ATG4A: variants seen among roughly 807,000 people sequenced by gnomAD.
The protein encoded by ATG4A is autophagy related 4A cysteine peptidase.
A neutral mutation model predicts 38.4 loss-of-function variants in ATG4A; 22 were observed. The ratio of observed to expected loss-of-function variants is 0.57; its 90% CI spans 0.41 to 0.82. ATG4A has a LOEUF of 0.82. ATG4A is among the 40% of genes least tolerant of loss of function. ATG4A has a pLI of 0.00. For synonymous variants in ATG4A, 86 were observed against 100.7 expected (o/e 0.85, Z 0.88); for missense variants, 220 against 290.0 (o/e 0.76, Z 1.75).
At position 108,141,501 on chromosome X, in the gene ATG4A, C is replaced by T. The variant is rs767425984; in HGVS notation, c.814+3310C>T. ...GTTAGAAAGTGGTGAAGCCAAGAGT[C>T]GATCCCAATTTGATCATCTCTACCT... On this transcript the variant is annotated intron_variant, in intron 9 of 12. Transcript: ENST00000372232. Among the ~76,000 whole-genome samples the T allele has an allele frequency of 3.3e-4, 37 of 111,686 alleles. No individual in the cohort carries two copies. In the East Asian group the frequency reaches 9.9e-3, roughly 30 times the overall value.
At chrX:108,152,108 T>A in intron 11 of ATG4A, 1 of 293,412 alleles carries the variant, frequency 3.4e-6, no homozygotes, top group East Asian at 4.8e-5. Context: ...TGAAACCTAA[T>A]GTTTTATCTC....
chrX:108,102,905 T>C, intron 1 of ATG4A, among the ~76,000 whole-genome samples: 1 of 109,589 alleles, frequency 9.1e-6, no homozygotes, highest in Non-Finnish European at 1.9e-5. Context: ...ACGTGTGTCA[T>C]GGTGATTTGC....
upstream of ATG4A, chrX:108,091,331 G>T: frequency 1.0e-6 from 1 of 979,831 alleles, no homozygotes; most frequent in Non-Finnish European, 1.5e-6. Flanking sequence ...CGGGGCCTCC[G>T]CTAGGGCCGG....
At chrX:108,150,338 G>C (rs950928919) in intron 10 of ATG4A, 41 bp downstream of exon 10, 2 of 1,201,897 alleles carry the variant, frequency 1.7e-6, no homozygotes, top group Non-Finnish European at 2.3e-6. Context: ...GATACGATGT[G>C]TACAGATTGG....
chrX:108,100,115 T>A (rs945630066), intron 1 of ATG4A, among the ~76,000 whole-genome samples: 1 of 111,657 alleles, frequency 9.0e-6, no homozygotes, highest in African/African-American at 3.2e-5. Context: ...TTTATTTAGA[T>A]CTTCTTTTAT....
intron 1 of ATG4A, among the ~76,000 whole-genome samples, chrX:108,093,802 T>A (rs1172049914): frequency 8.9e-6 from 1 of 112,325 alleles, no homozygotes; most frequent in Non-Finnish European, 1.9e-5. Context: ...TTTTAATTTA[T>A]AAATTATAAT....
intron 6 of ATG4A, among the ~76,000 whole-genome samples, 174 bp downstream of exon 6, chrX:108,134,585 A>G (rs1158479033): frequency 8.9e-6 from 1 of 112,227 alleles, no homozygotes; most frequent in Non-Finnish European, 1.9e-5. Flanking sequence ...ATGTGTAAGC[A>G]TGGATATCTG....
At chrX:108,136,587 C>T (rs2033112921) in intron 6 of ATG4A, among the ~76,000 whole-genome samples, 1 of 111,484 alleles carries the variant, frequency 9.0e-6, no homozygotes, top group Non-Finnish European at 1.9e-5. Context: ...CTCTCTTTCC[C>T]CTCCACCCAC....
chrX:108,127,632 C>A (rs1347578215), intron 2 of ATG4A, among the ~76,000 whole-genome samples: 2 of 111,890 alleles, frequency 1.8e-5, no homozygotes, highest in Non-Finnish European at 3.8e-5. Flanking sequence ...CCTGAATATG[C>A]TAGGCACCGG....
intron 1 of ATG4A, among the ~76,000 whole-genome samples, chrX:108,106,779 G>T (rs954413325): frequency 9.8e-5 from 11 of 112,023 alleles, no homozygotes; most frequent in African/African-American, 3.6e-4. Flanking sequence ...TCTTCTATAA[G>T]TAAGGTATTT....
intron 1 of ATG4A, among the ~76,000 whole-genome samples, chrX:108,094,568 C>T (rs62601379): frequency 1.4e-3 from 152 of 111,866 alleles, no homozygotes; most frequent in Non-Finnish European, 2.3e-3. Context: ...TTAAGGAGTA[C>T]TGGTCAGGTA....
At position 108,091,781 on chromosome X, in the gene ATG4A, C is replaced by T; in HGVS notation, c.-46C>T. 2 of 1,205,066 alleles carry T rather than the reference C, an allele frequency of 1.7e-6. No homozygotes were observed. The highest frequency in any genetic ancestry group is 2.2e-6 in the Non-Finnish European group (2 of 889,407). On this transcript the variant is annotated 5_prime_UTR_variant, in exon 1 of 13. Transcript: ENST00000372232. Reference sequence around the variant, plus strand: ...CCAGGGATCCTAGCGACCGTCCGTCCGTAGTCAAGTTGCCGGTGGAATTGG... The same window carrying T: ...CCAGGGATCCTAGCGACCGTCCGTCTGTAGTCAAGTTGCCGGTGGAATTGG...
At position 108,141,058 on chromosome X, in the gene ATG4A, G is replaced by A. The variant is rs1445869390; in HGVS notation, c.814+2867G>A. Reference sequence around the variant, plus strand: ...TATATACATATATATACATATATACGTGTATATATATACATATATATATAT... The same window carrying A: ...TATATACATATATATACATATATACATGTATATATATACATATATATATAT... On this transcript the variant is annotated intron_variant, in intron 9 of 12. Transcript: ENST00000372232. Among the ~76,000 whole-genome samples the A allele has an allele frequency of 9.2e-3, 281 of 30,467 alleles. 10 individuals are homozygous for A. Among genetic ancestry groups the A allele is most frequent in the African/African-American group, 0.023 (182 of 7,998 alleles). 26.5% of individuals were successfully genotyped at this position (30,467 alleles called of 115,157 possible). A position where few individuals can be genotyped will look rare whatever the true frequency, so the allele number is the denominator to read the frequency against.
intron 1 of ATG4A, among the ~76,000 whole-genome samples, chrX:108,105,018 G>T (rs1365582764): frequency 3.0e-5 from 3 of 99,983 alleles, no homozygotes; most frequent in Non-Finnish European, 4.1e-5. Context: ...ATTGATATTT[G>T]TCATTTTTTG....
intron 1 of ATG4A, among the ~76,000 whole-genome samples, chrX:108,120,486 C>A (rs981649913): frequency 5.4e-5 from 6 of 111,865 alleles, no homozygotes; most frequent in African/African-American, 1.9e-4. Context: ...CAGCAGGCAG[C>A]AATTTATCCC....
At position 108,150,107 on chromosome X, in the gene ATG4A, G is replaced by A. The variant is rs773485009; in HGVS notation, c.815-45G>A. The A allele has an allele frequency of 1.8e-5, 21 of 1,196,127 alleles. No homozygotes were observed. The African/African-American group carries it at 3.5e-4, about 20-fold the overall frequency. On this transcript the variant is annotated intron_variant, in intron 9 of 12. Transcript: ENST00000372232. ...TCCTCCCAACAACAGCAGTGGGCCA[G>A]GACCGGTAATCCTTTGAAGGTTAAG...
At chrX:108,091,722 A>T, upstream of ATG4A, 1 of 1,095,645 alleles carries the variant, frequency 9.1e-7, no homozygotes, top group African/African-American at 1.8e-5. Flanking sequence ...CTGCCCTCAC[A>T]GACTTGGCCC....
intron 1 of ATG4A, among the ~76,000 whole-genome samples, chrX:108,114,542 A>G (rs1200737611): frequency 8.9e-6 from 1 of 112,516 alleles, no homozygotes; most frequent in Non-Finnish European, 1.9e-5. Context: ...ACTTAGGCAC[A>G]TTAAAATTTT....
chrX:108,091,385 G>A, upstream of ATG4A: 2 of 1,195,395 alleles, frequency 1.7e-6, no homozygotes, highest in Non-Finnish European at 2.3e-6. Flanking sequence ...GCCGACTGCG[G>A]AGAGACCTAG....
Sources: allele counts gnomAD v4.1 joint callset (sites outside exome capture counted in the v4.1 genomes callset), GRCh38; gene constraint gnomAD v4.1.1; transcripts MANE v1.5; gene names NCBI Gene and HGNC (gene_info 2026-07-23, HGNC 2026-07-21).